The following PCDH15 variants were observed in gnomAD, a reference collection of about 807,000 sequenced individuals.
PCDH15 encodes protocadherin-15.
Under a neutral mutation model 178.5 loss-of-function variants are expected in PCDH15, and 129 were observed. That is an observed-to-expected ratio of 0.72 (90% CI 0.63 to 0.84). The LOEUF (loss-of-function observed/expected upper bound fraction) is 0.84. Among genes scored for constraint, PCDH15 ranks in the 40% least tolerant of loss-of-function variants. PCDH15 has a pLI of 0.00. For synonymous variants in PCDH15, 800 were observed against 732.0 expected, an observed-to-expected ratio of 1.09 and a Z score of -1.50; for missense variants, 2,230 against 2,099.9, an observed-to-expected ratio of 1.06 and a Z score of -1.21.
At chr10:54,607,691 T>A (rs1367841821) in intron 2 of PCDH15, among the ~76,000 whole-genome samples, 7 of 151,926 alleles carry the variant, frequency 4.6e-5, no homozygotes, top group Admixed American at 1.3e-4. Context: ...TAATGGAGAT[T>A]TTAAAATTTA....
At chr10:55,601,795 T>G (rs1843086529) in intron 2 of PCDH15, among the ~76,000 whole-genome samples, 2 of 151,754 alleles carry the variant, frequency 1.3e-5, no homozygotes, top group African/African-American at 4.8e-5. Context: ...ATAAGAGAGG[T>G]AGAAGAAAAT....
intron 1 of PCDH15, among the ~76,000 whole-genome samples, chr10:55,245,812 G>A (rs938333908): frequency 4.6e-5 from 7 of 152,088 alleles, no homozygotes; most frequent in South Asian, 2.1e-4. Context: ...AGCATAACAC[G>A]AATTTGTGAA....
At position 54,146,534 on chromosome 10, in the gene PCDH15, A is replaced by C. The variant is rs2043920122; in HGVS notation, c.1784+6566T>G. Among the ~76,000 whole-genome samples, 4 of 151,826 alleles carry C rather than the reference A, an allele frequency of 2.6e-5. No individual in the cohort carries two copies. The South Asian group carries it at 8.3e-4, about 31-fold the overall frequency. ...ACTAAAGAATATCCCAAAATAACTT[A>C]AGTGTTTTTTAAAAGCTTTTGGTTT... On this transcript the variant is annotated intron_variant, in intron 14 of 37. Transcript: ENST00000644397.
chr10:53,999,315 TC>T (rs1475771890), intron 20 of PCDH15, among the ~76,000 whole-genome samples: 1 of 152,188 alleles, frequency 6.6e-6, no homozygotes, highest in Non-Finnish European at 1.5e-5. Context: ...AGTTCTGTTT[TC>T]CACTACTAGA....
At chr10:53,953,297 T>C (rs1006336934) in intron 23 of PCDH15, among the ~76,000 whole-genome samples, 1 of 152,254 alleles carries the variant, frequency 6.6e-6, no homozygotes, top group African/African-American at 2.4e-5. Flanking sequence ...AAGCACACAA[T>C]GTCTTGATCC....
At chr10:54,479,115 T>C (rs936112800) in intron 3 of PCDH15, among the ~76,000 whole-genome samples, 6 of 151,914 alleles carry the variant, frequency 3.9e-5, no homozygotes, top group East Asian at 1.9e-4. Flanking sequence ...AAATTGTACA[T>C]AGATTTTTTA....
chr10:55,563,070 G>A (rs1043027738), intron 2 of PCDH15, among the ~76,000 whole-genome samples: 1 of 151,874 alleles, frequency 6.6e-6, no homozygotes, highest in Non-Finnish European at 1.5e-5. Flanking sequence ...GCTGCAGCTT[G>A]CCTCTAGCTT....
chr10:54,876,776 GA>G (rs1314235659), intron 3 of PCDH15, among the ~76,000 whole-genome samples: 3 of 152,168 alleles, frequency 2.0e-5, no homozygotes, highest in Non-Finnish European at 4.4e-5. Flanking sequence ...GTAGTTTCCT[GA>G]GATGGAAAAT....
intron 2 of PCDH15, among the ~76,000 whole-genome samples, chr10:55,592,225 GAAAT>G (rs1842856058): frequency 1.3e-5 from 2 of 152,108 alleles, no homozygotes; most frequent in African/African-American, 2.4e-5. Context: ...CCAGGAGGCT[GAAAT>G]ATACAATGTA....
chr10:53,985,588 G>A (rs993371290), intron 21 of PCDH15, among the ~76,000 whole-genome samples: 8 of 152,004 alleles, frequency 5.3e-5, no homozygotes, highest in Admixed American at 2.6e-4. Context: ...TAGTCAAAGG[G>A]AAACTTCAAA....
chr10:55,491,769 C>T (rs1314079035), intron 2 of PCDH15, among the ~76,000 whole-genome samples: 1 of 151,248 alleles, frequency 6.6e-6, no homozygotes, highest in African/African-American at 2.4e-5. Context: ...GAAGAAATGT[C>T]AGCTCCAGAA....
At chr10:55,600,959 T>G (rs1182715136) in intron 2 of PCDH15, among the ~76,000 whole-genome samples, 2 of 152,146 alleles carry the variant, frequency 1.3e-5, no homozygotes, top group African/African-American at 4.8e-5. Flanking sequence ...TCAGCCATAT[T>G]TATGGTAGTT....
chr10:53,822,613 G>T (rs1446379744), intron 32 of PCDH15: 5 of 1,613,850 alleles, frequency 3.1e-6, no homozygotes, highest in Non-Finnish European at 2.5e-6. Flanking sequence ...AAAACACAAG[G>T]CCTTGAAGGA....
At chr10:55,421,683 T>G (rs1167120496) in intron 2 of PCDH15, among the ~76,000 whole-genome samples, 3 of 151,496 alleles carry the variant, frequency 2.0e-5, no homozygotes, top group Admixed American at 6.6e-5. Context: ...CTTTCATCAT[T>G]CTAAGAAGTT....
At chr10:54,375,491 T>C (rs1948258343) in intron 4 of PCDH15, among the ~76,000 whole-genome samples, 1 of 152,040 alleles carries the variant, frequency 6.6e-6, no homozygotes, top group South Asian at 2.1e-4. Context: ...CTATTGGTAT[T>C]GTTAATATTC....
chr10:54,362,790 CA>C (rs1946247484), intron 5 of PCDH15, among the ~76,000 whole-genome samples: 2 of 152,022 alleles, frequency 1.3e-5, no homozygotes, highest in Admixed American at 6.6e-5. Flanking sequence ...GCATGACAGT[CA>C]TATAATGAAT....
chr10:54,499,659 G>A (rs1445493514), intron 3 of PCDH15, among the ~76,000 whole-genome samples: 1 of 152,074 alleles, frequency 6.6e-6, no homozygotes, highest in Non-Finnish European at 1.5e-5. Flanking sequence ...GAATCTCTGG[G>A]ACACAGCTAA....
At chr10:54,604,607 C>G (rs761722414) in intron 2 of PCDH15, among the ~76,000 whole-genome samples, 1 of 149,168 alleles carries the variant, frequency 6.7e-6, no homozygotes, top group Non-Finnish European at 1.5e-5. Context: ...TTTTCATTAC[C>G]ATTTGCATAA....
chr10:54,539,602 A>G lies in PCDH15; in HGVS notation c.92-11725T>C, dbSNP rs189328757. 2.3e-3 allele frequency among the ~76,000 whole-genome samples: 351 copies of G among 152,304 alleles called. 3 individuals carry two copies. Among genetic ancestry groups the G allele is most frequent in the African/African-American group, 8.0e-3 (331 of 41,574 alleles). On this transcript the variant is annotated intron_variant, in intron 2 of 37. Coordinates refer to ENST00000644397, the MANE Select transcript of PCDH15 (RefSeq NM_001384140.1). ...AGAAAACTTCCGCAGAAATTCTGGAATTAAATTTGACACTTGACAAATTGA... is the reference window on the plus strand; with the variant it reads ...AGAAAACTTCCGCAGAAATTCTGGAGTTAAATTTGACACTTGACAAATTGA...
Sources: allele counts gnomAD v4.1 joint callset (sites outside exome capture counted in the v4.1 genomes callset), GRCh38; gene constraint gnomAD v4.1.1; transcripts MANE v1.5; gene names NCBI Gene and HGNC (gene_info 2026-07-23, HGNC 2026-07-21).